Variants in C2CD2 observed in about 807,000 individuals in gnomAD.
C2CD2 encodes the protein C2 domain-containing protein 2.
A neutral mutation model predicts 74.3 loss-of-function variants in C2CD2; 43 were observed. The observed-to-expected ratio is 0.58, with a 90% CI of 0.45 to 0.75. The LOEUF is 0.75. Ranked by LOEUF, C2CD2 falls within the 30% of genes least tolerant of loss-of-function variation. The pLI is 0.00. For synonymous variants in C2CD2, 422 were observed against 390.7 expected, an observed-to-expected ratio of 1.08 and a Z score of -0.94; for missense variants, 801 against 916.3, an observed-to-expected ratio of 0.87 and a Z score of 1.63.
In C2CD2 at chr21:41,919,263, C is replaced by T. The variant is rs909769693; in HGVS notation, c.493-303G>A. Among the ~76,000 whole-genome samples the T allele has an allele frequency of 3.9e-5, 6 of 152,144 alleles. No homozygotes were observed. In the South Asian group the frequency reaches 6.2e-4, roughly 16 times the overall value. On this transcript the variant is annotated intron_variant, in intron 3 of 13. Transcript: ENST00000380486. Reference sequence around the variant, plus strand: ...GCACGTGTGCCTGTGTGTATGTGTGCGCATGTCTGCATCAGTGTGCATGTG... The same window carrying T: ...GCACGTGTGCCTGTGTGTATGTGTGTGCATGTCTGCATCAGTGTGCATGTG...
At chr21:41,894,360 G>A (rs1393323847) in intron 13 of C2CD2, among the ~76,000 whole-genome samples, 1 of 152,170 alleles carries the variant, frequency 6.6e-6, no homozygotes, top group Non-Finnish European at 1.5e-5. Flanking sequence ...GACTCTGTAG[G>A]GACAAATGAG....
At chr21:41,943,098 C>T (rs1374915568) in intron 1 of C2CD2, 1 of 187,202 alleles carries the variant, frequency 5.3e-6, no homozygotes, top group Non-Finnish European at 1.0e-5. Flanking sequence ...GCCAGCAGTT[C>T]GAGACCAGCC....
In C2CD2 at chr21:41,892,955, T is replaced by G. The variant is rs1351150501; in HGVS notation, c.1871-3611A>C. Among the ~76,000 whole-genome samples the G allele has an allele frequency of 7.9e-5, 12 of 151,912 alleles. No individual in the cohort carries two copies. Among genetic ancestry groups the G allele is most frequent in the African/African-American group, 2.9e-4 (12 of 41,346 alleles). On this transcript the variant is annotated intron_variant, in intron 13 of 13. Transcript: ENST00000380486. This position sits in a 1 kb window ranked among gnomAD's most constrained non-coding sequence, Gnocchi z 4.6. ...GCCAGAGACGCGCGGTGCGCCCAGGTTAAGAGGGAAATGGGTGTGGAGACA... is the reference window on the plus strand; with the variant it reads ...GCCAGAGACGCGCGGTGCGCCCAGGGTAAGAGGGAAATGGGTGTGGAGACA...
At chr21:41,938,964 G>A (rs2065332463) in intron 2 of C2CD2, among the ~76,000 whole-genome samples, 1 of 151,976 alleles carries the variant, frequency 6.6e-6, no homozygotes, top group South Asian at 2.1e-4. Context: ...GGCTGGTCTC[G>A]AACTCCTGAC....
chr21:41,915,195 C>T (rs1020153110), intron 5 of C2CD2, among the ~76,000 whole-genome samples: 5 of 152,354 alleles, frequency 3.3e-5, no homozygotes, highest in African/African-American at 9.6e-5. Flanking sequence ...CCCACCTCCA[C>T]ACAGAGTCCA....
intron 3 of C2CD2, among the ~76,000 whole-genome samples, chr21:41,919,242 G>A (rs1289350787): frequency 6.6e-6 from 1 of 152,230 alleles, no homozygotes. Context: ...ATGTGAGCAC[G>A]TGTGCCTGTG....
intron 3 of C2CD2, among the ~76,000 whole-genome samples, chr21:41,919,621 G>A (rs7278749): frequency 0.32 from 48,070 of 152,128 alleles, 7,762 homozygotes; most frequent in South Asian, 0.35. Context: ...AATCCTGGGC[G>A]TGGGCTCCCC....
In C2CD2 at chr21:41,912,438, G is replaced by T; in HGVS notation, c.847C>A (p.His283Asn). 1 of 1,574,144 alleles carries T rather than the reference G, an allele frequency of 6.4e-7. No individual in the cohort carries two copies. The highest frequency in any genetic ancestry group is 8.6e-7 in the Non-Finnish European group (1 of 1,158,404). ...LLLSEPGASG[H>N]INAVCVVQLN... ...TGCACGACGCACACTGCATTAATGTGGCCTGTAATTAAATAGAAGGGCATC... is the reference window on the plus strand; with the variant it reads ...TGCACGACGCACACTGCATTAATGTTGCCTGTAATTAAATAGAAGGGCATC... Residue 283 changes from histidine (H) to asparagine (N), a missense_variant and splice_region_variant, in exon 7 of 14, where the codon CAC becomes AAC. Physicochemically the swap from His to Asn is moderately conservative, Grantham distance 68. Transcript: ENST00000380486.
chr21:41,896,238 G>A (rs2064820726), intron 13 of C2CD2, among the ~76,000 whole-genome samples: 1 of 152,152 alleles, frequency 6.6e-6, no homozygotes, highest in Non-Finnish European at 1.5e-5. Flanking sequence ...TTGGCATAGC[G>A]ATCCTCTTAA....
At chr21:41,905,916 C>T (rs2064957279) in intron 10 of C2CD2, 79 bp from the exon 11 acceptor site, 2 of 807,780 alleles carry the variant, frequency 2.5e-6, no homozygotes, top group East Asian at 2.5e-5. Flanking sequence ...GAAAGGACAG[C>T]CCTCACTGCA....
At position 41,911,248 on chromosome 21, in the gene C2CD2, C is replaced by T. The variant is rs148491574; in HGVS notation, c.953+1084G>A. On this transcript the variant is annotated intron_variant, in intron 7 of 13. Coordinates refer to ENST00000380486, the MANE Select transcript of C2CD2 (RefSeq NM_015500.2). ...ATTAACAGATTTCCTTATGAGAAAG[C>T]ACACATACATCCTTACATTCCTGGT... is the stretch of plus-strand genomic sequence containing the variant. 3.2e-4 allele frequency among the ~76,000 whole-genome samples: 49 copies of T among 152,216 alleles called. No individual in the cohort carries two copies. The East Asian group carries it at 4.4e-3, about 14-fold the overall frequency.
At chr21:41,937,291 G>A (rs1242515312) in intron 2 of C2CD2, among the ~76,000 whole-genome samples, 1 of 150,602 alleles carries the variant, frequency 6.6e-6, no homozygotes, top group Non-Finnish European at 1.5e-5. Flanking sequence ...TAATTTTTCT[G>A]TATTTTTAGT....
At chr21:41,901,265 G>A (rs1412459238) in intron 12 of C2CD2, 1 of 342,112 alleles carries the variant, frequency 2.9e-6, no homozygotes, top group Non-Finnish European at 5.5e-6. Flanking sequence ...GTGTCACGTG[G>A]AAAGTGAAAG....
chr21:41,927,974 C>T (rs918374484), intron 2 of C2CD2, among the ~76,000 whole-genome samples: 1 of 152,202 alleles, frequency 6.6e-6, no homozygotes, highest in African/African-American at 2.4e-5. Flanking sequence ...ACAAGAAAGC[C>T]TTTCAGTAAT....
Position 41,907,612 on chromosome 21 carries a change from T to A in C2CD2, c.1143+48A>T, listed in dbSNP as rs748848873. 4 of 1,588,158 alleles carry A rather than the reference T, an allele frequency of 2.5e-6. No homozygotes were observed. In the East Asian group the frequency reaches 9.0e-5, roughly 36 times the overall value. On this transcript the variant is annotated intron_variant, in intron 9 of 13. Transcript: ENST00000380486. Reference sequence around the variant, plus strand: ...GACATAAGTGAAGACGCTCCTTGGGTAAGTGCCCCAAGCCGGAACCCGGCC... The same window carrying A: ...GACATAAGTGAAGACGCTCCTTGGGAAAGTGCCCCAAGCCGGAACCCGGCC...
At chr21:41,901,341 C>G in intron 12 of C2CD2, 1 of 494,098 alleles carries the variant, frequency 2.0e-6, no homozygotes, top group South Asian at 2.1e-5. Context: ...ACATCATGTT[C>G]CTCTCTTTCG....
At chr21:41,907,311 T>C (rs1185881525) in intron 9 of C2CD2, 145 bp from the exon 10 acceptor site, 1 of 708,688 alleles carries the variant, frequency 1.4e-6, no homozygotes, top group African/African-American at 1.8e-5. Flanking sequence ...AACCTGGATA[T>C]TCCCAGAATG....
intron 2 of C2CD2, among the ~76,000 whole-genome samples, chr21:41,927,551 A>G (rs1601591229): frequency 6.6e-6 from 1 of 150,442 alleles, no homozygotes; most frequent in Non-Finnish European, 1.5e-5. Context: ...GCTCACCAAA[A>G]CCTCTGCTTC....
rs1213929984 is a variant in C2CD2 at position 41,923,874 on chromosome 21, C to T, written c.379-1789G>A. On this transcript the variant is annotated intron_variant, in intron 2 of 13. Transcript: ENST00000380486. This position sits in a 1 kb window ranked among gnomAD's most constrained non-coding sequence, Gnocchi z 5.8. ...AGACACGTGTGGGATAATTACCAGG[C>T]CAGGTGCCAGGTGTGTACTGGCCAG... is the stretch of plus-strand genomic sequence containing the variant. Among the ~76,000 whole-genome samples the T allele has an allele frequency of 6.6e-6, 1 of 152,066 alleles. No homozygotes were observed. Among genetic ancestry groups the T allele is most frequent in the East Asian group, 1.9e-4 (1 of 5,178 alleles).
Sources: gnomAD v4.1 joint callset for allele counts (sites outside exome capture counted in the v4.1 genomes callset) on GRCh38, gnomAD v4.1.1 for gene constraint, Gnocchi (gnomAD v3.1) non-coding constraint, MANE v1.5 for transcripts, NCBI Gene and HGNC (gene_info 2026-07-23, HGNC 2026-07-21) for gene names.